SLAIN1: variants seen among roughly 807,000 people sequenced by gnomAD.
The protein encoded by SLAIN1 is SLAIN family member 1.
Under a neutral mutation model 55.4 loss-of-function variants are expected in SLAIN1, and 17 were observed. The ratio of observed to expected loss-of-function variants is 0.31; its 90% confidence interval spans 0.21 to 0.46. The LOEUF is 0.46. Ranked by LOEUF, SLAIN1 falls within the 20% of genes least tolerant of loss-of-function variation. The pLI is 1.00. For missense variants in SLAIN1, 682 were observed against 785.1 expected (o/e 0.87, Z 1.57); for synonymous variants, 348 against 337.4 (o/e 1.03, Z -0.35).
At chr13:77,713,193 A>C (rs1288082479) in intron 1 of SLAIN1, among the ~76,000 whole-genome samples, 3 of 152,232 alleles carry the variant, frequency 2.0e-5, no homozygotes, top group Non-Finnish European at 4.4e-5. Context: ...TGGCAACAAA[A>C]GCCAAAATTG....
At chr13:77,703,527 A>T (rs530715164) in intron 1 of SLAIN1, among the ~76,000 whole-genome samples, 13 of 152,228 alleles carry the variant, frequency 8.5e-5, no homozygotes, top group Non-Finnish European at 1.5e-5. Context: ...TGTGTTTGAA[A>T]TAAGTAACTT....
intron 2 of SLAIN1, among the ~76,000 whole-genome samples, chr13:77,742,182 T>G (rs1009330585): frequency 5.3e-5 from 8 of 151,896 alleles, no homozygotes; most frequent in Admixed American, 2.0e-4. Context: ...AGTGAGGTAA[T>G]GTAAGAATGA....
intron 2 of SLAIN1, among the ~76,000 whole-genome samples, chr13:77,721,367 C>T (rs1566227909): frequency 6.6e-6 from 1 of 152,170 alleles, no homozygotes; most frequent in Non-Finnish European, 1.5e-5. Context: ...ATTACCCAGT[C>T]TCAGGTAGTA....
At chr13:77,729,630 A>G (rs1392379053) in intron 2 of SLAIN1, among the ~76,000 whole-genome samples, 1 of 152,028 alleles carries the variant, frequency 6.6e-6, no homozygotes, top group Non-Finnish European at 1.5e-5. Context: ...ATTACAATAC[A>G]TGAAATGTGT....
intron 1 of SLAIN1, among the ~76,000 whole-genome samples, chr13:77,717,930 G>A (rs1328149443): frequency 6.6e-6 from 1 of 152,108 alleles, no homozygotes; most frequent in Non-Finnish European, 1.5e-5. Flanking sequence ...GTAGGGAGAA[G>A]TACCGTGTAC....
chr13:77,744,188 T>G, intron 2 of SLAIN1, 95 bp from the exon 3 acceptor site: 218 of 923,386 alleles, frequency 2.4e-4, no homozygotes, highest in Non-Finnish European at 3.4e-4. Context: ...CATGAAAACA[T>G]GAGACAAATT....
At chr13:77,705,661 A>G (rs942858019) in intron 1 of SLAIN1, among the ~76,000 whole-genome samples, 1 of 149,612 alleles carries the variant, frequency 6.7e-6, no homozygotes, top group African/African-American at 2.5e-5. Context: ...TTTTTTTTTA[A>G]AAACCTTGCC....
intron 4 of SLAIN1, among the ~76,000 whole-genome samples, chr13:77,751,404 G>A (rs534920184): frequency 3.9e-5 from 6 of 152,204 alleles, no homozygotes; most frequent in South Asian, 4.1e-4. Flanking sequence ...GGATTGAGAA[G>A]CACTGGTCTA....
At chr13:77,743,185 A>G in intron 2 of SLAIN1, 1 of 1,294,454 alleles carries the variant, frequency 7.7e-7, no homozygotes, top group Non-Finnish European at 1.0e-6. Context: ...TAACTTCTTG[A>G]CTAGCTGCTT....
chr13:77,714,194 G>A (rs919041165), intron 1 of SLAIN1, among the ~76,000 whole-genome samples: 2 of 151,996 alleles, frequency 1.3e-5, no homozygotes, highest in Non-Finnish European at 2.9e-5. Flanking sequence ...AGGAAAATTG[G>A]TGAAAAAAGT....
chr13:77,746,491 G>C (rs754229908), intron 3 of SLAIN1, 23 bp from the exon 4 acceptor site: 12 of 1,556,346 alleles, frequency 7.7e-6, no homozygotes. Flanking sequence ...AAATACATTA[G>C]AGTACTATTT....
intron 2 of SLAIN1, among the ~76,000 whole-genome samples, chr13:77,725,817 T>G (rs1458500924): frequency 2.0e-5 from 3 of 152,126 alleles, no homozygotes; most frequent in Non-Finnish European, 4.4e-5. Flanking sequence ...CCTCCTTGTT[T>G]ATGGAGTAAG....
At chr13:77,747,680 C>T (rs569841302) in intron 4 of SLAIN1, among the ~76,000 whole-genome samples, 1 of 152,162 alleles carries the variant, frequency 6.6e-6, no homozygotes, top group East Asian at 1.9e-4. Flanking sequence ...TCCCTCTGAT[C>T]TCCTGACATC....
At chr13:77,701,134 T>C (rs751829580) in intron 1 of SLAIN1, among the ~76,000 whole-genome samples, 4 of 152,206 alleles carry the variant, frequency 2.6e-5, no homozygotes, top group Admixed American at 6.5e-5. Flanking sequence ...AACAAGTTAC[T>C]GTTAACTGTA....
intron 1 of SLAIN1, among the ~76,000 whole-genome samples, chr13:77,715,233 T>C (rs939627147): frequency 7.2e-5 from 11 of 152,220 alleles, no homozygotes; most frequent in Non-Finnish European, 1.2e-4. Context: ...TCTTTCAAGC[T>C]AGATAGTTAT....
intron 1 of SLAIN1, among the ~76,000 whole-genome samples, chr13:77,715,499 T>G (rs2091197675): frequency 6.6e-6 from 1 of 152,208 alleles, no homozygotes; most frequent in African/African-American, 2.4e-5. Flanking sequence ...GTTAACTTTT[T>G]AAGAAGCTGC....
intron 2 of SLAIN1, among the ~76,000 whole-genome samples, chr13:77,732,302 T>C (rs1407405750): frequency 1.3e-5 from 2 of 152,114 alleles, no homozygotes; most frequent in Non-Finnish European, 2.9e-5. Flanking sequence ...TTAGTAAAAA[T>C]CTAGTCTGTC....
intron 4 of SLAIN1, among the ~76,000 whole-genome samples, chr13:77,751,287 T>G (rs558868624): frequency 3.3e-5 from 5 of 152,208 alleles, no homozygotes; most frequent in African/African-American, 1.2e-4. Context: ...TTTACCCCTA[T>G]CAAAATGTTA....
Position 77,713,472 on chromosome 13 carries a change from T to G in SLAIN1, c.627-6060T>G, listed in dbSNP as rs2091173632. 1.3e-5 allele frequency among the ~76,000 whole-genome samples: 2 copies of G among 152,206 alleles called. 1 individual carries two copies. Among genetic ancestry groups the G allele is most frequent in the South Asian group, 4.1e-4 (2 of 4,832 alleles). On this transcript the variant is annotated intron_variant, in intron 1 of 6. Coordinates refer to ENST00000418532, the MANE Select transcript of SLAIN1 (RefSeq NM_001242868.2). ...AATGTAAATCAAAACCACAATGAGA[T>G]AGCATCTCACACCAGTTAGAATGGC...
Sources: allele counts gnomAD v4.1 joint callset (sites outside exome capture counted in the v4.1 genomes callset), GRCh38; gene constraint gnomAD v4.1.1; transcripts MANE v1.5; gene names NCBI Gene and HGNC (gene_info 2026-07-23, HGNC 2026-07-21).